The following SEPTIN2 variants were observed in gnomAD, a reference collection of about 807,000 sequenced individuals.
SEPTIN2 encodes the protein septin-2.
SEPTIN2 carries 34 observed loss-of-function variants against 46.5 expected under a neutral mutation model. The observed-to-expected ratio is 0.73, with a 90% CI of 0.56 to 0.97. The LOEUF (loss-of-function observed/expected upper bound fraction) is 0.97, where lower values mean the gene tolerates loss of function less well. Ranked by LOEUF, SEPTIN2 falls within the 50% of genes least tolerant of loss-of-function variation. SEPTIN2 has a pLI of 0.00. For synonymous variants in SEPTIN2, 175 were observed against 153.4 expected (o/e 1.14, Z -1.04); for missense variants, 347 against 448.4 (o/e 0.77, Z 2.04).
rs572131134 is a variant in SEPTIN2, at chr2:241,337,706, A to T, written c.510A>T (p.Ala170=). ...LKPLDVAFMK[A]IHNKVNIVPV... is the part of the protein sequence containing the mutation. ...CCTTAGATGTGGCGTTTATGAAGGC[A>T]ATACACAACAAGGTGAATATTGTGC... The change falls in exon 7 of 13, where the codon GCA becomes GCT. Residue 170 remains alanine, a synonymous_variant. Transcript: ENST00000391971. 5.0e-6 allele frequency: 8 copies of T among 1,614,078 alleles called. No homozygotes were observed. In the East Asian group the frequency reaches 1.3e-4, roughly 27 times the overall value.
chr2:241,334,594 G>C (rs1317518947), intron 3 of SEPTIN2, among the ~76,000 whole-genome samples: 1 of 152,196 alleles, frequency 6.6e-6, no homozygotes, highest in Non-Finnish European at 1.5e-5. Context: ...AAGAAGACAA[G>C]GTGGCAGAAG....
chr2:241,316,408 A>C, intron 1 of SEPTIN2: 1 of 1,054,354 alleles, frequency 9.5e-7, no homozygotes, highest in Non-Finnish European at 1.3e-6. Context: ...TAACGGTGCC[A>C]TTTCCTCCCT....
chr2:241,342,954 G>A (rs761730393), intron 7 of SEPTIN2, 38 bp from the exon 8 acceptor site: 6 of 1,175,016 alleles, frequency 5.1e-6, no homozygotes, highest in Non-Finnish European at 7.6e-6. Context: ...AACATACGCA[G>A]TTTGCTAAAA....
intron 1 of SEPTIN2, chr2:241,320,401 C>T: frequency 2.3e-6 from 1 of 440,590 alleles, no homozygotes; most frequent in Non-Finnish European, 4.7e-6. Flanking sequence ...GATTTGGGGC[C>T]ATTTTGCTAC....
intron 11 of SEPTIN2, 93 bp from the exon 12 acceptor site, chr2:241,349,971 GGAAGGTGTA>G: frequency 2.8e-6 from 3 of 1,074,686 alleles, no homozygotes; most frequent in Non-Finnish European, 4.2e-6. Flanking sequence ...TCATATTTTG[GGAAGGTGTA>G]GAAGTTGAAA....
chr2:241,347,678 A>G (rs1365136387), intron 10 of SEPTIN2, among the ~76,000 whole-genome samples: 1 of 152,240 alleles, frequency 6.6e-6, no homozygotes, highest in East Asian at 1.9e-4. Flanking sequence ...ATGTTGTTCG[A>G]ACTTTTTAAA....
At chr2:241,316,397 C>A (rs1193486596) in intron 1 of SEPTIN2, 4 of 1,074,904 alleles carry the variant, frequency 3.7e-6, no homozygotes, top group Non-Finnish European at 3.9e-6. Flanking sequence ...TCTTGTCTTT[C>A]TAACGGTGCC....
intron 9 of SEPTIN2, among the ~76,000 whole-genome samples, chr2:241,345,531 A>G (rs1327789150): frequency 6.6e-6 from 1 of 152,216 alleles, no homozygotes; most frequent in Non-Finnish European, 1.5e-5. Context: ...TCCTGAATCA[A>G]TAGGAACGTG....
At chr2:241,338,993 A>AAT (rs1196946578) in intron 7 of SEPTIN2, among the ~76,000 whole-genome samples, 1 of 104,022 alleles carries the variant, frequency 9.6e-6, no homozygotes, top group South Asian at 2.8e-4. Context: ...TATATTTATA[A>AAT]ATATATATAA....
intron 1 of SEPTIN2, among the ~76,000 whole-genome samples, chr2:241,319,407 G>C (rs2076823819): frequency 6.6e-6 from 1 of 152,120 alleles, no homozygotes; most frequent in Non-Finnish European, 1.5e-5. Context: ...TAGCACATGG[G>C]GGTTTTGTTT....
At chr2:241,333,123 TTAAAA>T (rs1443043678) in intron 3 of SEPTIN2, among the ~76,000 whole-genome samples, 1 of 152,192 alleles carries the variant, frequency 6.6e-6, no homozygotes, top group Admixed American at 6.5e-5. Context: ...CAAAGTGGCT[TTAAAA>T]TAAAACAGGT....
intron 5 of SEPTIN2, chr2:241,337,108 C>A (rs62193171): frequency 0.12 from 35,370 of 296,214 alleles, 2,484 homozygotes; most frequent in Non-Finnish European, 0.14. Context: ...AAAAAAAGAA[C>A]GAATTGGCAG....
intron 10 of SEPTIN2, 97 bp downstream of exon 10, chr2:241,346,346 C>A: frequency 2.4e-6 from 2 of 833,958 alleles, no homozygotes; most frequent in Non-Finnish European, 3.7e-6. Context: ...GACCATTAAG[C>A]AACATGGTTT....
Position 241,350,155 on chromosome 2 carries a change from C to T in SEPTIN2, c.1067C>T (p.Ala356Val). 6.2e-7 allele frequency: 1 copy of T among 1,613,424 alleles called. No homozygotes were observed. The highest frequency in any genetic ancestry group is 8.5e-7 in the Non-Finnish European group (1 of 1,179,638). The change falls in exon 12 of 13, where the codon GCT (alanine) becomes GTT (valine). Residue 356 changes from alanine to valine, a missense_variant. Coordinates refer to ENST00000391971, the MANE Select transcript of SEPTIN2 (RefSeq NM_004404.5). The stretch of plus-strand genomic sequence containing the variant: ...CAGGGCGGGGATGGCGATGGCGGGG[C>T]TCTCGGGCACCACGTGTAAGGTGAT... ...QMQGGDGDGGALGHHV is the reference protein window; with the variant it reads ...QMQGGDGDGGVLGHHV
chr2:241,338,113 T>C (rs1034768187), intron 7 of SEPTIN2, among the ~76,000 whole-genome samples: 10 of 152,178 alleles, frequency 6.6e-5, no homozygotes, highest in Non-Finnish European at 2.9e-5. Context: ...TCCATGAAGT[T>C]TGTTATTTTA....
intron 1 of SEPTIN2, chr2:241,316,524 G>T (rs933973894): frequency 1.3e-6 from 2 of 1,521,632 alleles, no homozygotes; most frequent in African/African-American, 2.8e-5. Flanking sequence ...TACCTTCGGC[G>T]AGGAGAGGCG....
chr2:241,329,033 AAGGT>A (rs1432783044), intron 3 of SEPTIN2, among the ~76,000 whole-genome samples: 6 of 152,152 alleles, frequency 3.9e-5, no homozygotes, highest in African/African-American at 7.2e-5. Flanking sequence ...ACACACAAAA[AAGGT>A]AGAGATTTAA....
intron 4 of SEPTIN2, chr2:241,335,539 T>C: frequency 1.6e-6 from 1 of 643,662 alleles, no homozygotes; most frequent in South Asian, 1.9e-5. Flanking sequence ...AGAAGATTAC[T>C]AGGATAGATG....
At chr2:241,318,995 C>T (rs374128805) in intron 1 of SEPTIN2, among the ~76,000 whole-genome samples, 61 of 152,092 alleles carry the variant, frequency 4.0e-4, no homozygotes, top group African/African-American at 1.4e-3. Flanking sequence ...CGCACCCAGC[C>T]GAGTATTTGT....
Sources: allele counts gnomAD v4.1 joint callset (sites outside exome capture counted in the v4.1 genomes callset), GRCh38; gene constraint gnomAD v4.1.1; transcripts MANE v1.5; gene names NCBI Gene and HGNC (gene_info 2026-07-23, HGNC 2026-07-21).